Variants in LITAF observed in about 807,000 individuals in gnomAD.
LITAF encodes the protein lipopolysaccharide induced TNF factor, also known as lipopolysaccharide-induced tumor necrosis factor-alpha factor.
Under a neutral mutation model 14.5 loss-of-function variants are expected in LITAF, and 9 were observed. That is an observed-to-expected ratio of 0.62 (90% CI 0.37 to 1.08). The LOEUF (loss-of-function observed/expected upper bound fraction) is 1.08, where lower values mean the gene tolerates loss of function less well. Ranked by LOEUF, LITAF falls within the 50% of genes least tolerant of loss-of-function variation. The pLI, the probability that LITAF is intolerant of heterozygous loss-of-function variation, is 0.01. For synonymous variants in LITAF, 98 were observed against 88.2 expected (o/e 1.11, Z -0.62); for missense variants, 206 against 213.4 (o/e 0.97, Z 0.22).
rs1244889945 is a variant in LITAF, at chr16:11,548,613, A to G, written c.*1024T>C. ...CTTTTTTTTTTTTTTAAGTGAGACT[A>G]CATTGGCAAATGGGAAAATGACACC... On this transcript the variant is annotated 3_prime_UTR_variant, in exon 4 of 4. Transcript: ENST00000622633. The G allele has an allele frequency of 2.2e-6, 1 of 446,690 alleles. No individual in the cohort carries two copies. Among genetic ancestry groups the G allele is most frequent in the Non-Finnish European group, 4.4e-6 (1 of 224,964 alleles). The allele number at this position is 446,690 out of a possible 1,614,324, so 27.7% of individuals were successfully genotyped here. A position where few individuals can be genotyped will look rare whatever the true frequency, so the allele number is the denominator to read the frequency against.
chr16:11,615,940 G>T (rs1038992615), intron 3 of LITAF, among the ~76,000 whole-genome samples: 1 of 152,172 alleles, frequency 6.6e-6, no homozygotes, highest in Admixed American at 6.5e-5. Context: ...CTGGGGAGGG[G>T]AGAGGGACTA....
upstream of LITAF, among the ~76,000 whole-genome samples, chr16:11,637,143 G>A (rs1424911547): frequency 4.6e-5 from 7 of 152,262 alleles, no homozygotes; most frequent in South Asian, 2.1e-4. Flanking sequence ...CGCCCACCTC[G>A]GCCTCCCACA....
chr16:11,625,534 A>G (rs897644823), intron 3 of LITAF, among the ~76,000 whole-genome samples: 3 of 152,088 alleles, frequency 2.0e-5, no homozygotes, highest in Non-Finnish European at 4.4e-5. Flanking sequence ...AAGTGCTGAG[A>G]TTACAGGTGT....
In LITAF at chr16:11,549,137, T is replaced by A. The variant is rs767760361; in HGVS notation, c.*500A>T. ...GAATCTCAAAGCCAAGCCTGTAAAG[T>A]CTGTAAGGCAAGATCTTTGTCATCA... On this transcript the variant is annotated 3_prime_UTR_variant, in exon 4 of 4. Coordinates refer to ENST00000622633, the MANE Select transcript of LITAF (RefSeq NM_001136472.2). This position sits in a 1 kb window ranked among gnomAD's most constrained non-coding sequence, Gnocchi z 4.6. 2.2e-6 allele frequency: 1 copy of A among 454,048 alleles called. No homozygotes were observed. The highest frequency in any genetic ancestry group is 1.6e-5 in the South Asian group (1 of 64,446). 28.1% of individuals were successfully genotyped at this position (454,048 alleles called of 1,614,324 possible).
chr16:11,581,352 A>G (rs1416012710), intron 1 of LITAF, among the ~76,000 whole-genome samples: 1 of 152,212 alleles, frequency 6.6e-6, no homozygotes, highest in Non-Finnish European at 1.5e-5. Context: ...AATTTAAAAA[A>G]ACAAAATTTG....
chr16:11,590,833 A>T (rs571030771), upstream of LITAF, among the ~76,000 whole-genome samples: 27 of 117,508 alleles, frequency 2.3e-4, 6 homozygotes, highest in South Asian at 3.6e-3. Context: ...CCTGGTTTCA[A>T]GCGATTCTCC....
At chr16:11,552,091 G>T (rs2064190562) in intron 3 of LITAF, among the ~76,000 whole-genome samples, 1 of 152,222 alleles carries the variant, frequency 6.6e-6, no homozygotes, top group South Asian at 2.1e-4. Context: ...GCCTCTTATT[G>T]AAGTTAGGAA....
intron 3 of LITAF, among the ~76,000 whole-genome samples, chr16:11,624,193 C>G (rs2141897818): frequency 6.6e-6 from 1 of 152,292 alleles, no homozygotes; most frequent in South Asian, 2.1e-4. Flanking sequence ...GTGATTGTAT[C>G]ATTCATTATC....
chr16:11,582,609 G>C (rs1221206693), intron 1 of LITAF, among the ~76,000 whole-genome samples: 1 of 152,092 alleles, frequency 6.6e-6, no homozygotes, highest in Non-Finnish European at 1.5e-5. Flanking sequence ...CCATGAATAT[G>C]TATATCGCAG....
At chr16:11,622,259 C>G (rs2065055450) in intron 3 of LITAF, among the ~76,000 whole-genome samples, 1 of 152,228 alleles carries the variant, frequency 6.6e-6, no homozygotes, top group African/African-American at 2.4e-5. Context: ...CGGCCACCCT[C>G]GGGCTGTCAA....
chr16:11,550,727 C>T (rs1027573880), intron 3 of LITAF, among the ~76,000 whole-genome samples: 1 of 152,034 alleles, frequency 6.6e-6, no homozygotes, highest in African/African-American at 2.4e-5. Context: ...AACTGCTGGC[C>T]TCAAGTGATC....
chr16:11,553,770 G>C lies in LITAF; in HGVS notation c.221-81C>G. 2 of 1,468,502 alleles carry C rather than the reference G, an allele frequency of 1.4e-6. No homozygotes were observed. Among genetic ancestry groups the C allele is most frequent in the Non-Finnish European group, 9.5e-7 (1 of 1,053,792 alleles). The allele number at this position is 1,468,502 out of a possible 1,614,324, so 91.0% of individuals were successfully genotyped here. On this transcript the variant is annotated intron_variant, in intron 2 of 3. Transcript: ENST00000622633. The surrounding 1 kb of genome is among the most constrained non-coding windows in gnomAD (Gnocchi z 7.7). ...TTCACTACAGGACAAAGAGAGGAAC[G>C]CAGGGATGCCAGCAAATATTATATT... is the stretch of plus-strand genomic sequence containing the variant.
intron 1 of LITAF, among the ~76,000 whole-genome samples, chr16:11,560,560 G>A (rs559536571): frequency 8.1e-5 from 12 of 148,624 alleles, no homozygotes; most frequent in Non-Finnish European, 1.5e-4. Flanking sequence ...TCCAGCCTGG[G>A]CCACAGAGCG....
chr16:11,601,782 A>C (rs556206484), upstream of LITAF, among the ~76,000 whole-genome samples: 1 of 152,146 alleles, frequency 6.6e-6, no homozygotes, highest in South Asian at 2.1e-4. Context: ...CTGGTCTCAA[A>C]TTCCTGGGCT....
upstream of LITAF, among the ~76,000 whole-genome samples, chr16:11,590,875 G>A (rs1173377329): frequency 1.7e-5 from 2 of 117,352 alleles, 1 homozygote; most frequent in Non-Finnish European, 3.4e-5. Flanking sequence ...TGGGACTACA[G>A]GTGTGCACCA....
intron 1 of LITAF, among the ~76,000 whole-genome samples, chr16:11,557,782 A>G (rs1357359431): frequency 1.3e-5 from 2 of 152,204 alleles, no homozygotes. Flanking sequence ...AAGGAAATAC[A>G]CATAGACTCC....
chr16:11,556,292 A>G, intron 2 of LITAF: 2 of 572,746 alleles, frequency 3.5e-6, no homozygotes. Context: ...TATGATGACC[A>G]TGGGAAAGAT....
upstream of LITAF, among the ~76,000 whole-genome samples, chr16:11,600,920 T>C (rs2064922544): frequency 6.6e-6 from 1 of 152,074 alleles, no homozygotes. The surrounding 1 kb of genome is among the most constrained non-coding windows in gnomAD (Gnocchi z 4.1). Context: ...CAAACATGGA[T>C]ACAAGCTATA....
At chr16:11,585,519 C>A (rs1016849828) in intron 1 of LITAF, among the ~76,000 whole-genome samples, 2 of 152,130 alleles carry the variant, frequency 1.3e-5, no homozygotes, top group Non-Finnish European at 2.9e-5. Flanking sequence ...GCAAGTCACA[C>A]GCCATCTAGA....
Sources: gnomAD v4.1 joint callset for allele counts (sites outside exome capture counted in the v4.1 genomes callset) on GRCh38, gnomAD v4.1.1 for gene constraint, Gnocchi (gnomAD v3.1) non-coding constraint, MANE v1.5 for transcripts, NCBI Gene and HGNC (gene_info 2026-07-23, HGNC 2026-07-21) for gene names.